ZSCAN5C: variants seen among roughly 807,000 people sequenced by gnomAD.
The protein encoded by ZSCAN5C is zinc finger and SCAN domain-containing protein 5C.
Under a neutral mutation model 17.3 loss-of-function variants are expected in ZSCAN5C, and 11 were observed. The observed-to-expected ratio is 0.64, with a 90% CI of 0.40 to 1.06. The LOEUF (loss-of-function observed/expected upper bound fraction) is 1.06, where lower values mean the gene tolerates loss of function less well. Among genes scored for constraint, ZSCAN5C ranks in the 50% least tolerant of loss-of-function variants. The pLI, the probability that ZSCAN5C is intolerant of heterozygous loss-of-function variation, is 0.00. For missense variants in ZSCAN5C, 698 were observed against 538.9 expected (o/e 1.30, Z -2.92); for synonymous variants, 229 against 208.4 (o/e 1.10, Z -0.85).
At chr19:56,203,712 C>T (rs59545986) in intron 1 of ZSCAN5C, among the ~76,000 whole-genome samples, 2,894 of 143,528 alleles carry the variant, frequency 0.02, 132 homozygotes, top group African/African-American at 0.072. Flanking sequence ...TGCAATGGCG[C>T]GATCTCTGTT....
chr19:56,202,701 T>C (rs1326369444), intron 1 of ZSCAN5C, among the ~76,000 whole-genome samples: 1 of 151,952 alleles, frequency 6.6e-6, no homozygotes, highest in Admixed American at 6.5e-5. Context: ...CTACAGGCAC[T>C]TGCCACCATG....
exon 2 of ZSCAN5C, chr19:56,205,818 G>A: frequency 3.2e-6 from 2 of 615,752 alleles, no homozygotes; most frequent in Non-Finnish European, 2.9e-6. Context: ...CTATTACTGA[G>A]AAAAACCAGG....
At position 56,208,193 on chromosome 19, in the gene ZSCAN5C, G is replaced by A; in HGVS notation, c.739+9G>A. 1.3e-6 allele frequency: 1 copy of A among 777,038 alleles called. No individual in the cohort carries two copies. Among genetic ancestry groups the A allele is most frequent in the Non-Finnish European group, 2.4e-6 (1 of 417,260 alleles). 48.1% of individuals were successfully genotyped at this position (777,038 alleles called of 1,614,324 possible). A position where few individuals can be genotyped will look rare whatever the true frequency, so the allele number is the denominator to read the frequency against. ...GCTTCCAAACAGTCCCAGTAAGTAT[G>A]AAGACTTACACCTGTGTGGAGATAG... On this transcript the variant is annotated intron_variant, in intron 4 of 4. Transcript: ENST00000534327.
exon 5 of ZSCAN5C, chr19:56,208,811 C>G: frequency 6.4e-7 from 1 of 1,560,002 alleles, no homozygotes; most frequent in Non-Finnish European, 8.8e-7. Context: ...GTTTAAGTAT[C>G]GCGGCAAGTT....
chr19:56,208,929 C>T (rs776648682), exon 5 of ZSCAN5C: 2 of 1,613,404 alleles, frequency 1.2e-6, no homozygotes, highest in East Asian at 2.2e-5. Flanking sequence ...CGAACCCACA[C>T]TGGCGAGAGG....
chr19:56,203,017 G>T (rs1338138302), intron 1 of ZSCAN5C, among the ~76,000 whole-genome samples: 2 of 151,944 alleles, frequency 1.3e-5, no homozygotes, highest in South Asian at 2.1e-4. Context: ...ATACTAACCC[G>T]CGTACCTGCC....
intron 1 of ZSCAN5C, among the ~76,000 whole-genome samples, chr19:56,204,733 C>A (rs961448774): frequency 1.7e-4 from 26 of 151,982 alleles, no homozygotes; most frequent in East Asian, 5.8e-4. Context: ...GGGGCACTCG[C>A]CCTCCAGGCT....
At chr19:56,203,330 AT>A (rs2032889787) in intron 1 of ZSCAN5C, among the ~76,000 whole-genome samples, 1 of 151,946 alleles carries the variant, frequency 6.6e-6, no homozygotes, top group Non-Finnish European at 1.5e-5. Flanking sequence ...AAAGATACGT[AT>A]TTATGGTGTA....
intron 3 of ZSCAN5C, 145 bp from the exon 4 acceptor site, chr19:56,207,889 G>C (rs1037688636): frequency 3.3e-6 from 2 of 601,946 alleles, no homozygotes; most frequent in South Asian, 2.0e-5. Flanking sequence ...GGCACAGCGG[G>C]GAGAAATATG....
At position 56,209,072 on chromosome 19, in the gene ZSCAN5C, C is replaced by A. The variant is rs2032960660; in HGVS notation, c.1363C>A (p.Leu455Met). 1.9e-6 allele frequency: 3 copies of A among 1,601,370 alleles called. 1 individual carries two copies. In the African/African-American group the frequency reaches 4.0e-5, roughly 22 times the overall value. ...GAAAGTTTTCACCTACAAGGCAAAT[C>A]TGAAGGAGCACCAGCGCATCCACTC... The change falls in exon 5 of 5, where the codon CTG (leucine) becomes ATG (methionine). Residue 455 changes from leucine to methionine, a missense_variant. Transcript: ENST00000534327.
At chr19:56,204,960 C>A (rs906110473) in intron 1 of ZSCAN5C, among the ~76,000 whole-genome samples, 11 of 151,610 alleles carry the variant, frequency 7.3e-5, no homozygotes, top group African/African-American at 1.2e-4. Flanking sequence ...TTGTATCAAC[C>A]CACTTCTTTA....
In ZSCAN5C at chr19:56,208,083, AG is replaced by A. The variant is rs2032944054; in HGVS notation, c.640del (p.Ala214LeufsTer2). ...ACTACTGTCATGAAAGGTGACCCAA[AG>A]GCTCTGAGACCCAAGCCGACCTTGG... On this transcript the variant is annotated frameshift_variant, in exon 4 of 5. Transcript: ENST00000534327. LOFTEE classifies it high-confidence loss of function. 1 of 766,274 alleles carries A rather than the reference AG, an allele frequency of 1.3e-6. No homozygotes were observed. The highest frequency in any genetic ancestry group is 2.4e-6 in the Non-Finnish European group (1 of 411,418). The allele number at this position is 766,274 out of a possible 1,614,324, so 47.5% of individuals were successfully genotyped here.
At chr19:56,205,861 C>A in exon 2 of ZSCAN5C, 1 of 796,642 alleles carries the variant, frequency 1.3e-6, no homozygotes, top group Non-Finnish European at 2.1e-6. Context: ...CAATTAGACA[C>A]CGGCTTCTGG....
intron 1 of ZSCAN5C, among the ~76,000 whole-genome samples, chr19:56,205,327 T>C (rs2032909276): frequency 6.6e-6 from 1 of 151,850 alleles, no homozygotes; most frequent in South Asian, 2.1e-4. Flanking sequence ...CTGGAGCGAA[T>C]AATTCTGGGA....
intron 2 of ZSCAN5C, among the ~76,000 whole-genome samples, chr19:56,206,523 A>G (rs1175004784): frequency 6.6e-6 from 1 of 151,972 alleles, no homozygotes; most frequent in Non-Finnish European, 1.5e-5. Context: ...AGGACAACCC[A>G]TCATGACAAA....
chr19:56,206,027 T>C, exon 2 of ZSCAN5C: 1 of 1,611,850 alleles, frequency 6.2e-7, no homozygotes, highest in Non-Finnish European at 8.5e-7. Flanking sequence ...ATCATGACAG[T>C]GATCCTGAGA....
chr19:56,205,791 C>G (rs987038584), exon 2 of ZSCAN5C: 1 of 588,274 alleles, frequency 1.7e-6, no homozygotes, highest in Non-Finnish European at 3.0e-6. Context: ...CTGCAGACTT[C>G]TGAATGAACA....
exon 5 of ZSCAN5C, chr19:56,208,940 C>A: frequency 6.2e-7 from 1 of 1,613,518 alleles, no homozygotes; most frequent in Non-Finnish European, 8.5e-7. Flanking sequence ...TGGCGAGAGG[C>A]CCTACACGTG....
At position 56,208,923 on chromosome 19, in the gene ZSCAN5C, C is replaced by T. The variant is rs778004491; in HGVS notation, c.1214C>T (p.Thr405Ile). ...ATAGGCCTGCAATTTCACCAGCGAACCCACACTGGCGAGAGGCCCTACACG... is the reference window on the plus strand; with the variant it reads ...ATAGGCCTGCAATTTCACCAGCGAATCCACACTGGCGAGAGGCCCTACACG... The change falls in exon 5 of 5, where the codon ACC becomes ATC. Residue 405 changes from threonine (T) to isoleucine (I), a missense_variant. By Grantham distance (89) the Thr-to-Ile change is moderately conservative (BLOSUM62 -1). Coordinates refer to ENST00000534327, the Ensembl canonical transcript of ZSCAN5C. The T allele has an allele frequency of 5.6e-6, 9 of 1,612,770 alleles. No homozygotes were observed. In the African/African-American group the frequency reaches 8.1e-5, roughly 14 times the overall value.
Sources: allele counts gnomAD v4.1 joint callset (sites outside exome capture counted in the v4.1 genomes callset), GRCh38; gene constraint gnomAD v4.1.1; transcripts MANE v1.5; gene names NCBI Gene and HGNC (gene_info 2026-07-23, HGNC 2026-07-21).